The following CAPN3 variants were observed in gnomAD, a reference collection of about 807,000 sequenced individuals.
CAPN3 encodes calpain 3, also known as calpain-3.
A neutral mutation model predicts 114.0 loss-of-function variants in CAPN3; 88 were observed. The observed-to-expected ratio is 0.77, with a 90% CI of 0.65 to 0.92. CAPN3 has a LOEUF of 0.92. Among genes scored for constraint, CAPN3 ranks in the 40% least tolerant of loss-of-function variants. The pLI is 0.00. For synonymous variants in CAPN3, 386 were observed against 382.9 expected (o/e 1.01, Z -0.09); for missense variants, 1,028 against 1,069.0 (o/e 0.96, Z 0.53).
chr15:42,398,634 CATATATAT>C (rs1156434789), intron 9 of CAPN3, among the ~76,000 whole-genome samples: 4 of 123,920 alleles, frequency 3.2e-5, no homozygotes, highest in South Asian at 2.7e-4. Flanking sequence ...CACACACACA[CATATATAT>C]ACACACATAT....
chr15:42,411,634 G>A (rs936426818), intron 23 of CAPN3, 113 bp from the exon 24 acceptor site: 8 of 777,566 alleles, frequency 1.0e-5, no homozygotes, highest in Non-Finnish European at 1.9e-5. Flanking sequence ...ATCTTCTGGG[G>A]GTCTGACCTG....
rs2052597168 is a variant in CAPN3, at chr15:42,359,996, T to A, written c.191T>A (p.Leu64His). The A allele has an allele frequency of 6.2e-7, 1 of 1,614,212 alleles. No individual in the cohort carries two copies. The highest frequency in any genetic ancestry group is 1.3e-5 in the African/African-American group (1 of 75,062). Reference protein sequence around the residue: ...IGVKEKTFEQLHKKCLEKKVL... With the variant: ...IGVKEKTFEQHHKKCLEKKVL... Reference sequence around the variant, plus strand: ...GTGAAAGAGAAGACATTCGAGCAACTTCACAAGAAATGTCTAGAAAAGAAA... The same window carrying A: ...GTGAAAGAGAAGACATTCGAGCAACATCACAAGAAATGTCTAGAAAAGAAA... Residue 64 changes from leucine to histidine, a missense_variant, in exon 1 of 24, where the codon CTT becomes CAT. Leu to His is a moderately conservative substitution (Grantham distance 99). Transcript: ENST00000397163.
rs564490916 is a variant in CAPN3 at position 42,373,803 on chromosome 15, G to A, written c.310-10680G>A. On this transcript the variant is annotated intron_variant, in intron 1 of 23. Coordinates refer to ENST00000397163, the MANE Select transcript of CAPN3 (RefSeq NM_000070.3). ...CCAGGGACATCAGGAGTGTGAAGGC[G>A]TCATTACCCCCAAACAATGGCATGG... Among the ~76,000 whole-genome samples the A allele has an allele frequency of 1.6e-4, 25 of 152,202 alleles. No homozygotes were observed. The East Asian group carries it at 3.5e-3, about 21-fold the overall frequency.
intron 1 of CAPN3, among the ~76,000 whole-genome samples, chr15:42,361,483 A>G (rs778388864): frequency 2.6e-5 from 4 of 152,070 alleles, no homozygotes; most frequent in Non-Finnish European, 4.4e-5. Flanking sequence ...AACAACAACA[A>G]TAACAACAAC....
In CAPN3 at chr15:42,409,841, A is replaced by G; in HGVS notation, c.2047A>G (p.Lys683Glu). Reference sequence around the variant, plus strand: ...GAAGGTCCTTAACACAGTCGTGAACAAACGTGAGTTGCTCAAACCAAATGG... The same window carrying G: ...GAAGGTCCTTAACACAGTCGTGAACGAACGTGAGTTGCTCAAACCAAATGG... Reference protein sequence around the residue: ...LKKVLNTVVNKHKDLKTHGFT... With the variant: ...LKKVLNTVVNEHKDLKTHGFT... The change falls in exon 18 of 24, where the codon AAA (lysine) becomes GAA (glutamate). Residue 683 changes from lysine (K) to glutamate (E), a missense_variant. Physicochemically the swap from Lys to Glu is moderately conservative, Grantham distance 56. Transcript: ENST00000397163. 7.8e-7 allele frequency: 1 copy of G among 1,277,746 alleles called. No individual in the cohort carries two copies. Among genetic ancestry groups the G allele is most frequent in the Non-Finnish European group, 1.1e-6 (1 of 931,816 alleles). 79.2% of individuals were successfully genotyped at this position (1,277,746 alleles called of 1,614,324 possible).
In CAPN3 at chr15:42,384,557, G is replaced by T. The variant is rs886042704; in HGVS notation, c.379+5G>T. On this transcript the variant is annotated splice_donor_5th_base_variant and intron_variant, in intron 2 of 23. Coordinates refer to ENST00000397163, the MANE Select transcript of CAPN3 (RefSeq NM_000070.3). The stretch of plus-strand genomic sequence containing the variant: ...ACATCTGTCAAGGAGAGCTAGGTAG[G>T]AAAGTGCCTCAGGTCAGATCCTGCC... 1 of 1,608,898 alleles carries T rather than the reference G, an allele frequency of 6.2e-7. No individual in the cohort carries two copies. The highest frequency in any genetic ancestry group is 8.5e-7 in the Non-Finnish European group (1 of 1,175,220).
At position 42,402,799 on chromosome 15, in the gene CAPN3, C is replaced by T. The variant is rs377215244; in HGVS notation, c.1542C>T (p.His514=). The T allele has an allele frequency of 4.4e-5, 71 of 1,613,904 alleles. No individual in the cohort carries two copies. Among genetic ancestry groups the T allele is most frequent in the Non-Finnish European group, 5.3e-5 (62 of 1,179,920 alleles). ...GGGCTCTCCCCATCTCTCAGATGCA[C>T]GGGAACAAGCAGCACCTGCAGAAGG... ...FAIYEVPKEM[H]GNKQHLQKDF... is the part of the protein sequence containing the mutation. The change falls in exon 13 of 24, where the codon CAC becomes CAT. Residue 514 remains histidine, a synonymous_variant. Transcript: ENST00000397163.
rs1054067943 is a variant in CAPN3, at chr15:42,401,152, C to A, written c.1355-489C>A. Among the ~76,000 whole-genome samples the A allele has an allele frequency of 1.2e-4, 18 of 152,072 alleles. No individual in the cohort carries two copies. In the South Asian group the frequency reaches 3.3e-3, roughly 28 times the overall value. ...GAGGCTGCAGTGAGCCGAGATCGCG[C>A]CACTGCACTCTAGCCTGGGCAACAG... On this transcript the variant is annotated intron_variant, in intron 10 of 23. Coordinates refer to ENST00000397163, the MANE Select transcript of CAPN3 (RefSeq NM_000070.3).
intron 7 of CAPN3, among the ~76,000 whole-genome samples, chr15:42,393,591 CTTTCT>C (rs1358010731): frequency 1.0e-3 from 137 of 132,090 alleles, no homozygotes; most frequent in African/African-American, 3.9e-3. Flanking sequence ...GTCTTTCTTT[CTTTCT>C]TTTTTTTTTT....
rs2053124727 is a variant in CAPN3 at position 42,377,636 on chromosome 15, A to G, written c.310-6847A>G. Among the ~76,000 whole-genome samples the G allele has an allele frequency of 2.0e-5, 3 of 152,276 alleles. No homozygotes were observed. The South Asian group carries it at 6.2e-4, about 32-fold the overall frequency. On this transcript the variant is annotated intron_variant, in intron 1 of 23. Coordinates refer to ENST00000397163, the MANE Select transcript of CAPN3 (RefSeq NM_000070.3). ...TATTGGTCTGTAGTTTTCCTTTATTAGAGTATCTTTTACTGGCTTGCATAT... is the reference window on the plus strand; with the variant it reads ...TATTGGTCTGTAGTTTTCCTTTATTGGAGTATCTTTTACTGGCTTGCATAT...
intron 10 of CAPN3, among the ~76,000 whole-genome samples, chr15:42,401,170 G>A (rs945295358): frequency 7.2e-5 from 11 of 152,090 alleles, no homozygotes; most frequent in Admixed American, 3.9e-4. Flanking sequence ...CTCTAGCCTG[G>A]GCAACAGAGC....
Position 42,410,949 on chromosome 15 carries a change from A to G in CAPN3, c.2329A>G (p.Ile777Val), listed in dbSNP as rs149969786. The change falls in exon 22 of 24, where the codon ATC becomes GTC. Residue 777 changes from isoleucine (I) to valine (V), a missense_variant. Transcript: ENST00000397163. Reference protein sequence around the residue: ...TMRYADKHMNIDFDSFICCFV... With the variant: ...TMRYADKHMNVDFDSFICCFV... Reference sequence around the variant, plus strand: ...GCGGTACGCAGACAAACACATGAACATCGACTTTGACAGTTTCATCTGCTG... The same window carrying G: ...GCGGTACGCAGACAAACACATGAACGTCGACTTTGACAGTTTCATCTGCTG... 4.3e-5 allele frequency: 70 copies of G among 1,614,182 alleles called. No individual in the cohort carries two copies. The highest frequency in any genetic ancestry group is 3.5e-4 in the African/African-American group (26 of 75,054).
At chr15:42,392,577 C>A in intron 6 of CAPN3, 62 bp from the exon 7 acceptor site, 1 of 1,314,170 alleles carries the variant, frequency 7.6e-7, no homozygotes, top group Non-Finnish European at 1.1e-6. Flanking sequence ...TGAACTTTGC[C>A]TCCAAGCAGC....
chr15:42,360,943 C>A (rs1482359054), intron 1 of CAPN3, among the ~76,000 whole-genome samples: 1 of 152,166 alleles, frequency 6.6e-6, no homozygotes, highest in Admixed American at 6.5e-5. Context: ...GGGCAAGCAA[C>A]TGGGGGGACA....
chr15:42,408,322 C>T lies in CAPN3; in HGVS notation c.1912C>T (p.Gln638Ter). The T allele has an allele frequency of 6.2e-7, 1 of 1,606,806 alleles. No homozygotes were observed. Residue 638 changes from glutamine to a stop codon, truncating the protein, a stop_gained and splice_region_variant, in exon 16 of 24, where the codon CAG becomes TAG. Coordinates refer to ENST00000397163, the MANE Select transcript of CAPN3 (RefSeq NM_000070.3). LOFTEE classifies it high-confidence loss of function. The part of the protein sequence containing the change: ...TSPDKQKQSP[Q>*]PQPGSSDQES... ...CCCTGATAAGCAAAAGCAGTCCCCA[C>T]AGGTGTCTGGGCATGTGGCATGGGT...
At chr15:42,410,283 A>G (rs925904975) in intron 19 of CAPN3, 145 bp from the exon 20 acceptor site, 62 of 844,348 alleles carry the variant, frequency 7.3e-5, no homozygotes, top group Non-Finnish European at 1.2e-4. Context: ...GAGTAGGCGC[A>G]ATCTCTGACT....
intron 12 of CAPN3, 191 bp from the exon 13 acceptor site, chr15:42,402,603 T>G: frequency 1.3e-6 from 2 of 1,511,244 alleles, no homozygotes; most frequent in Non-Finnish European, 1.8e-6. Context: ...CCATTCACTC[T>G]GAATCACAAC....
At position 42,402,789 on chromosome 15, in the gene CAPN3, C is replaced by T. The variant is rs892210488; in HGVS notation, c.1537-5C>T. 4 of 1,614,080 alleles carry T rather than the reference C, an allele frequency of 2.5e-6. No individual in the cohort carries two copies. The South Asian group carries it at 3.3e-5, about 13-fold the overall frequency. On this transcript the variant is annotated splice_region_variant and splice_polypyrimidine_tract_variant and intron_variant, in intron 12 of 23. Coordinates refer to ENST00000397163, the MANE Select transcript of CAPN3 (RefSeq NM_000070.3). ...CATGTGCCCTGGGCTCTCCCCATCT[C>T]TCAGATGCACGGGAACAAGCAGCAC...
intron 9 of CAPN3, among the ~76,000 whole-genome samples, chr15:42,398,811 G>T (rs1287036744): frequency 2.4e-5 from 3 of 123,536 alleles, no homozygotes; most frequent in Admixed American, 8.7e-5. Flanking sequence ...TTGAGACAGA[G>T]TCTCACTTTG....
Sources: gnomAD v4.1 joint callset for allele counts (sites outside exome capture counted in the v4.1 genomes callset) on GRCh38, gnomAD v4.1.1 for gene constraint, MANE v1.5 for transcripts, NCBI Gene and HGNC (gene_info 2026-07-23, HGNC 2026-07-21) for gene names.